ALG9: variants seen among roughly 807,000 people sequenced by gnomAD.
ALG9 encodes alpha-1,2-mannosyltransferase ALG9.
ALG9 carries 55 observed loss-of-function variants against 81.8 expected under a neutral mutation model. The observed-to-expected ratio is 0.67, with a 90% confidence interval of 0.54 to 0.84. The LOEUF is 0.84. Ranked by LOEUF, ALG9 falls within the 40% of genes least tolerant of loss-of-function variation. ALG9 has a pLI of 0.00. For synonymous variants in ALG9, 278 were observed against 274.3 expected (o/e 1.01, Z -0.13); for missense variants, 629 against 745.0 (o/e 0.84, Z 1.81).
chr11:111,810,020 C>A (rs879983131), intron 13 of ALG9, among the ~76,000 whole-genome samples: 2 of 152,156 alleles, frequency 1.3e-5, no homozygotes, highest in Admixed American at 6.5e-5. Flanking sequence ...TTAAGTCCTT[C>A]TAGTCCCATA....
chr11:111,871,249 G>A (rs527476474), intron 1 of ALG9, 103 bp downstream of exon 1: 257 of 1,326,770 alleles, frequency 1.9e-4, no homozygotes, highest in Middle Eastern at 2.8e-4. Flanking sequence ...CCGCGGTGAG[G>A]CCAGGCCGGA....
the ALG9 span, chr11:111,768,827 T>TTGTGTGTGTGTGCG: frequency 3.1e-5 from 3 of 97,360 alleles, no homozygotes; most frequent in African/African-American, 1.4e-4. Flanking sequence ...ACATCCAGCT[T>TTGTGTGTGTGTGCG]CGTGTGTGTG....
intron 9 of ALG9, among the ~76,000 whole-genome samples, chr11:111,843,929 G>A (rs1161580600): frequency 1.3e-5 from 2 of 152,198 alleles, no homozygotes; most frequent in East Asian, 1.9e-4. Context: ...GTACTATCTC[G>A]TGGATTACCT....
chr11:111,810,623 G>A (rs1950565963), intron 13 of ALG9, among the ~76,000 whole-genome samples: 2 of 152,100 alleles, frequency 1.3e-5, no homozygotes, highest in African/African-American at 4.8e-5. Flanking sequence ...AGGTGTGGTG[G>A]CACATATCTG....
At chr11:111,803,484 G>A (rs1200678864) in intron 14 of ALG9, among the ~76,000 whole-genome samples, 1 of 138,794 alleles carries the variant, frequency 7.2e-6, no homozygotes, top group Non-Finnish European at 1.5e-5. Context: ...CTGGGTGACA[G>A]AGTAAGACTC....
At chr11:111,780,076 G>A (rs1945844717), downstream of ALG9, among the ~76,000 whole-genome samples, 1 of 152,242 alleles carries the variant, frequency 6.6e-6, no homozygotes, top group East Asian at 1.9e-4. Context: ...CGGTCATCTT[G>A]CAGCCAGACT....
chr11:111,795,596 T>A (rs537708525), intron 14 of ALG9, among the ~76,000 whole-genome samples: 27 of 152,380 alleles, frequency 1.8e-4, no homozygotes, highest in African/African-American at 6.3e-4. Flanking sequence ...AGACCCTTGA[T>A]GTTCAATAAA....
chr11:111,804,975 G>C (rs554316652), intron 14 of ALG9: 11 of 226,334 alleles, frequency 4.9e-5, no homozygotes, highest in Non-Finnish European at 8.8e-5. Flanking sequence ...CAAAGGAGTT[G>C]AAAATGTATG....
intron 2 of ALG9, 132 bp downstream of exon 2, chr11:111,870,092 CTGTTTTTT>C (rs1367193906): frequency 1.0e-5 from 11 of 1,061,166 alleles, no homozygotes; most frequent in Non-Finnish European, 1.4e-5. Context: ...GATTATAGGC[CTGTTTTTT>C]TGTTTTTTTT....
chr11:111,793,760 CAAAA>C (rs35166603), intron 14 of ALG9, among the ~76,000 whole-genome samples: 3 of 53,884 alleles, frequency 5.6e-5, no homozygotes, highest in Admixed American at 1.9e-4. Flanking sequence ...GAGTCCAGCT[CAAAA>C]AAAAAAAAAA....
chr11:111,867,591 G>A (rs782709287), intron 3 of ALG9, among the ~76,000 whole-genome samples: 7 of 152,176 alleles, frequency 4.6e-5, no homozygotes, highest in Non-Finnish European at 8.8e-5. Context: ...AGCATTGGAA[G>A]AGGGGACATA....
intron 14 of ALG9, among the ~76,000 whole-genome samples, chr11:111,802,511 C>T (rs1949284203): frequency 6.6e-6 from 1 of 152,078 alleles, no homozygotes; most frequent in Middle Eastern, 3.2e-3. Flanking sequence ...TAGCGGGATG[C>T]CCGGAGACGG....
chr11:111,821,297 G>C (rs781838286), intron 13 of ALG9, among the ~76,000 whole-genome samples: 5 of 152,010 alleles, frequency 3.3e-5, no homozygotes, highest in Non-Finnish European at 7.4e-5. Flanking sequence ...CTGCATTACT[G>C]TTTGACAGGT....
intron 14 of ALG9, among the ~76,000 whole-genome samples, chr11:111,805,650 G>A (rs1409347047): frequency 6.6e-6 from 1 of 152,232 alleles, no homozygotes; most frequent in Non-Finnish European, 1.5e-5. Flanking sequence ...GTCCGGGAAT[G>A]TAGTGGGGGA....
In ALG9 at chr11:111,870,994, A is replaced by G. The variant is rs376766266; in HGVS notation, c.131+358T>C. Reference sequence around the variant, plus strand: ...GATGGCGGGTTGGATGGGCCCAGTAAAGGGTCGGGACTTGAGGGAGAATAA... The same window carrying G: ...GATGGCGGGTTGGATGGGCCCAGTAGAGGGTCGGGACTTGAGGGAGAATAA... On this transcript the variant is annotated intron_variant, in intron 1 of 14. Transcript: ENST00000616540. 4.0e-5 allele frequency: 41 copies of G among 1,029,584 alleles called. No homozygotes were observed. In the African/African-American group the frequency reaches 6.3e-4, roughly 16 times the overall value. The allele number at this position is 1,029,584 out of a possible 1,614,324, so 63.8% of individuals were successfully genotyped here.
chr11:111,845,453 T>C (rs1956815852), intron 8 of ALG9: 1 of 152,238 alleles, frequency 6.6e-6, no homozygotes, highest in Non-Finnish European at 1.5e-5. Flanking sequence ...ATGTGTTTGG[T>C]ATAAAGCAAC....
intron 13 of ALG9, among the ~76,000 whole-genome samples, 176 bp downstream of exon 13, chr11:111,835,989 A>G (rs2136803463): frequency 6.6e-6 from 1 of 152,270 alleles, no homozygotes; most frequent in East Asian, 1.9e-4. Context: ...GAATTCAAGC[A>G]ATTATCCCGC....
intron 4 of ALG9, chr11:111,864,148 A>T: frequency 1.9e-6 from 1 of 516,376 alleles, no homozygotes; most frequent in South Asian, 2.8e-5. Flanking sequence ...TAAAAATTAA[A>T]AAAAGAAAAA....
At chr11:111,869,779 G>T (rs1307489358) in intron 2 of ALG9, among the ~76,000 whole-genome samples, 1 of 152,134 alleles carries the variant, frequency 6.6e-6, no homozygotes, top group East Asian at 1.9e-4. Context: ...CTTGAGCCTA[G>T]GAGTTAAATA....
Sources: gnomAD v4.1 joint callset for allele counts (sites outside exome capture counted in the v4.1 genomes callset) on GRCh38, gnomAD v4.1.1 for gene constraint, MANE v1.5 for transcripts, NCBI Gene and HGNC (gene_info 2026-07-23, HGNC 2026-07-21) for gene names.